The following NFIA variants were observed in gnomAD, a reference collection of about 807,000 sequenced individuals.
NFIA encodes the protein nuclear factor I A, also known as nuclear factor 1 A-type.
NFIA carries 8 observed loss-of-function variants against 62.8 expected under a neutral mutation model. The observed-to-expected ratio is 0.13, with a 90% CI of 0.07 to 0.23. NFIA has a LOEUF of 0.23. Among genes scored for constraint, NFIA ranks in the 10% least tolerant of loss-of-function variants. The pLI is 1.00. For synonymous variants in NFIA, 235 were observed against 238.1 expected, an observed-to-expected ratio of 0.99 and a Z score of 0.12; for missense variants, 410 against 642.1, an observed-to-expected ratio of 0.64 and a Z score of 3.91.
chr1:61,292,527 A>G (rs1320722406), intron 3 of NFIA, among the ~76,000 whole-genome samples: 2 of 152,200 alleles, frequency 1.3e-5, no homozygotes, highest in Non-Finnish European at 2.9e-5. Flanking sequence ...CTCCTTGAGT[A>G]CATATTCTAG....
chr1:61,363,184 A>G (rs1047135207), intron 6 of NFIA, among the ~76,000 whole-genome samples: 6 of 152,236 alleles, frequency 3.9e-5, no homozygotes, highest in African/African-American at 1.2e-4. Flanking sequence ...TGTGGATCCA[A>G]AATCCATATT....
At chr1:61,364,964 TG>T (rs1378545248) in intron 6 of NFIA, among the ~76,000 whole-genome samples, 6 of 152,160 alleles carry the variant, frequency 3.9e-5, no homozygotes, top group African/African-American at 1.4e-4. Flanking sequence ...GTGGGAGGAT[TG>T]CTTGAGGCCA....
At chr1:61,177,329 C>T (rs1467430536) in intron 2 of NFIA, among the ~76,000 whole-genome samples, 1 of 152,100 alleles carries the variant, frequency 6.6e-6, no homozygotes, top group Non-Finnish European at 1.5e-5. Flanking sequence ...TCAAAGATTG[C>T]TTTAAATGTG....
intron 9 of NFIA, among the ~76,000 whole-genome samples, chr1:61,413,558 T>TG (rs914297103): frequency 6.6e-6 from 1 of 151,040 alleles, no homozygotes; most frequent in Non-Finnish European, 1.5e-5. Flanking sequence ...TTTCTGATTC[T>TG]GGGGGGAACC....
chr1:61,379,339 C>T (rs1664295869), intron 6 of NFIA, among the ~76,000 whole-genome samples: 1 of 151,158 alleles, frequency 6.6e-6, no homozygotes, highest in Non-Finnish European at 1.5e-5. Context: ...CCTCCTGCCT[C>T]AGCCTTCTGA....
In NFIA at chr1:61,082,594, C is replaced by G. The variant is rs1233599875; in HGVS notation, c.-198C>G. The G allele has an allele frequency of 4.0e-6, 6 of 1,486,462 alleles. No homozygotes were observed. The highest frequency in any genetic ancestry group is 4.5e-6 in the Non-Finnish European group (5 of 1,114,056). The allele number at this position is 1,486,462 out of a possible 1,614,324, so 92.1% of individuals were successfully genotyped here. ...AGTTCAGCTCATGGAGCGGCAATAG[C>G]GCTGGCTGGCTGGCTGCAGTTGAGC... On this transcript the variant is annotated 5_prime_UTR_variant, in exon 1 of 11. Transcript: ENST00000403491.
At chr1:61,177,349 T>A (rs1292443043) in intron 2 of NFIA, among the ~76,000 whole-genome samples, 1 of 152,184 alleles carries the variant, frequency 6.6e-6, no homozygotes, top group Non-Finnish European at 1.5e-5. Context: ...GTCAAGTTAT[T>A]TCAATCTCCT....
intron 2 of NFIA, among the ~76,000 whole-genome samples, chr1:61,273,472 T>C (rs932726296): frequency 2.6e-5 from 4 of 152,288 alleles, no homozygotes; most frequent in African/African-American, 7.2e-5. Context: ...CAAGCAGAGA[T>C]AGAGGACTTT....
chr1:61,348,911 A>G (rs1050484527), intron 4 of NFIA, among the ~76,000 whole-genome samples: 5 of 152,158 alleles, frequency 3.3e-5, no homozygotes, highest in Non-Finnish European at 7.3e-5. Context: ...ATTTGTGAAA[A>G]ACATCTAAAT....
chr1:61,214,470 A>G (rs1653479923), intron 2 of NFIA, among the ~76,000 whole-genome samples: 1 of 152,252 alleles, frequency 6.6e-6, no homozygotes. Context: ...AACTACATTT[A>G]TATATCAGTT....
intron 4 of NFIA, among the ~76,000 whole-genome samples, chr1:61,336,253 TA>T (rs960972290): frequency 2.0e-5 from 3 of 152,176 alleles, no homozygotes; most frequent in Non-Finnish European, 4.4e-5. Context: ...ATTTGTGCAT[TA>T]AAAAAAGGTT....
chr1:61,229,614 C>G (rs528868571), intron 2 of NFIA, among the ~76,000 whole-genome samples: 35 of 152,262 alleles, frequency 2.3e-4, no homozygotes, highest in Middle Eastern at 6.8e-3. Flanking sequence ...AGAATCCCAT[C>G]CTTGCTCTGT....
intron 2 of NFIA, among the ~76,000 whole-genome samples, chr1:61,123,598 C>T (rs1032348791): frequency 4.6e-5 from 7 of 152,018 alleles, no homozygotes; most frequent in East Asian, 1.9e-4. Flanking sequence ...AAATCTGGAG[C>T]GATGGAAAGG....
intron 2 of NFIA, among the ~76,000 whole-genome samples, chr1:61,126,225 C>T (rs936495303): frequency 5.9e-5 from 9 of 152,122 alleles, no homozygotes; most frequent in Non-Finnish European, 1.3e-4. Flanking sequence ...GCTAAGGCAA[C>T]CTCTTCTGTC....
chr1:61,097,594 G>A (rs1646437954), intron 2 of NFIA, among the ~76,000 whole-genome samples: 1 of 152,072 alleles, frequency 6.6e-6, no homozygotes, highest in Admixed American at 6.5e-5. Flanking sequence ...AAAGGTATTT[G>A]TCAGTGGGTA....
At chr1:61,092,081 G>C (rs1428335723) in intron 2 of NFIA, among the ~76,000 whole-genome samples, 1 of 152,104 alleles carries the variant, frequency 6.6e-6, no homozygotes, top group Non-Finnish European at 1.5e-5. Context: ...GCTGTGTGGG[G>C]ACATTTAAAA....
At chr1:61,128,427 A>G (rs1004713389) in intron 2 of NFIA, among the ~76,000 whole-genome samples, 3 of 152,136 alleles carry the variant, frequency 2.0e-5, no homozygotes, top group Non-Finnish European at 2.9e-5. Flanking sequence ...CCTAGGAAAC[A>G]TAGCGAAACC....
At position 61,455,391 on chromosome 1, in the gene NFIA, C is replaced by T; in HGVS notation, c.*71C>T. On this transcript the variant is annotated 3_prime_UTR_variant, in exon 11 of 11. Coordinates refer to ENST00000403491, the MANE Select transcript of NFIA (RefSeq NM_001134673.4). ...TCTCAACTCTGTAACATGGACGCAA[C>T]CTCAACCCAGCGCAGTTACAACTTC... 1 of 1,613,388 alleles carries T rather than the reference C, an allele frequency of 6.2e-7. No homozygotes were observed. The highest frequency in any genetic ancestry group is 8.5e-7 in the Non-Finnish European group (1 of 1,179,714).
chr1:61,269,760 G>A (rs889210018), intron 2 of NFIA, among the ~76,000 whole-genome samples: 1 of 152,214 alleles, frequency 6.6e-6, no homozygotes, highest in Non-Finnish European at 1.5e-5. Flanking sequence ...AAACTCATCA[G>A]CATAGTCTAG....
Sources: gnomAD v4.1 joint callset for allele counts (sites outside exome capture counted in the v4.1 genomes callset) on GRCh38, gnomAD v4.1.1 for gene constraint, MANE v1.5 for transcripts, NCBI Gene and HGNC (gene_info 2026-07-23, HGNC 2026-07-21) for gene names.